Variants in CNTNAP2 observed in about 807,000 individuals in gnomAD.
CNTNAP2 encodes the protein contactin associated protein 2.
In CNTNAP2, 98 loss-of-function variants were observed where a neutral mutation model predicts 155.2. That is an observed-to-expected ratio of 0.63 (90% CI 0.54 to 0.75). CNTNAP2 has a LOEUF of 0.75. Ranked by LOEUF, CNTNAP2 falls within the 30% of genes least tolerant of loss-of-function variation. The pLI is 0.00. For synonymous variants in CNTNAP2, 651 were observed against 631.2 expected (o/e 1.03, Z -0.47); for missense variants, 1,727 against 1,688.1 (o/e 1.02, Z -0.40).
chr7:147,863,034 A>G (rs897675765), intron 13 of CNTNAP2, among the ~76,000 whole-genome samples: 1 of 151,818 alleles, frequency 6.6e-6, no homozygotes, highest in African/African-American at 2.4e-5. Flanking sequence ...CCACCCATCA[A>G]CTCGTCATTT....
intron 23 of CNTNAP2, among the ~76,000 whole-genome samples, chr7:148,413,471 T>A (rs1799902676): frequency 1.4e-5 from 2 of 139,212 alleles, no homozygotes; most frequent in African/African-American, 5.3e-5. Flanking sequence ...TCTTGTAACA[T>A]TTTTCTGGTT....
chr7:146,884,118 C>T (rs150594055), intron 3 of CNTNAP2, among the ~76,000 whole-genome samples: 1,527 of 152,056 alleles, frequency 0.01, 12 homozygotes, highest in Middle Eastern at 0.02. Flanking sequence ...GTTCCAGGAC[C>T]GTCTGCCTAT....
intron 10 of CNTNAP2, among the ~76,000 whole-genome samples, chr7:147,473,969 C>G (rs1298545378): frequency 1.3e-5 from 2 of 151,910 alleles, no homozygotes; most frequent in African/African-American, 4.8e-5. Flanking sequence ...ATCCCAGCTA[C>G]TAGGGAGGCT....
chr7:147,319,553 A>G (rs1235895751), intron 9 of CNTNAP2, among the ~76,000 whole-genome samples: 2 of 151,746 alleles, frequency 1.3e-5, no homozygotes, highest in African/African-American at 2.4e-5. Flanking sequence ...AATTTTTGTA[A>G]TTTTAGTAGA....
intron 1 of CNTNAP2, among the ~76,000 whole-genome samples, chr7:146,629,184 T>C (rs778919332): frequency 1.3e-5 from 2 of 152,140 alleles, no homozygotes; most frequent in Non-Finnish European, 2.9e-5. Context: ...TTTAAACAAG[T>C]TGGCAGAGGG....
At chr7:147,987,840 A>G (rs2116878090) in intron 15 of CNTNAP2, among the ~76,000 whole-genome samples, 1 of 152,098 alleles carries the variant, frequency 6.6e-6, no homozygotes, top group East Asian at 1.9e-4. Context: ...GACTACAGGT[A>G]CATGCCACCA....
At chr7:148,074,502 C>T (rs928375774) in intron 15 of CNTNAP2, among the ~76,000 whole-genome samples, 3 of 23,084 alleles carry the variant, frequency 1.3e-4, no homozygotes, top group Non-Finnish European at 2.3e-4. Flanking sequence ...ACCAGCCTGG[C>T]CAACATGGTG....
At chr7:147,295,204 T>C (rs1314466212) in intron 8 of CNTNAP2, among the ~76,000 whole-genome samples, 1 of 152,046 alleles carries the variant, frequency 6.6e-6, no homozygotes, top group East Asian at 1.9e-4. Flanking sequence ...TGAGCACTTC[T>C]CCAGATGTGG....
chr7:147,195,103 T>G (rs1248421063), intron 8 of CNTNAP2, among the ~76,000 whole-genome samples: 1 of 152,170 alleles, frequency 6.6e-6, no homozygotes, highest in Non-Finnish European at 1.5e-5. Flanking sequence ...TTGTATAAGG[T>G]GTAAGGAAGC....
At chr7:148,321,412 T>C (rs920020614) in intron 21 of CNTNAP2, among the ~76,000 whole-genome samples, 12 of 152,164 alleles carry the variant, frequency 7.9e-5, no homozygotes, top group African/African-American at 2.9e-4. Flanking sequence ...GGACAGAGGC[T>C]GGTGGCAGAG....
intron 1 of CNTNAP2, among the ~76,000 whole-genome samples, chr7:146,570,876 G>T (rs1798430867): frequency 6.6e-6 from 1 of 151,878 alleles, no homozygotes; most frequent in Non-Finnish European, 1.5e-5. Flanking sequence ...AAACACTTAG[G>T]TAATAAATGA....
At chr7:147,721,485 C>T (rs1272892506) in intron 13 of CNTNAP2, among the ~76,000 whole-genome samples, 2 of 152,038 alleles carry the variant, frequency 1.3e-5, no homozygotes, top group Non-Finnish European at 2.9e-5. Flanking sequence ...CCTTTTCACT[C>T]CCCTTTGCTC....
chr7:146,614,106 C>T (rs1048390578), intron 1 of CNTNAP2, among the ~76,000 whole-genome samples: 2 of 151,926 alleles, frequency 1.3e-5, no homozygotes, highest in Admixed American at 6.6e-5. Context: ...CCCGTGAGTC[C>T]TATTTAATTT....
chr7:147,727,411 T>G (rs1473231249), intron 13 of CNTNAP2, among the ~76,000 whole-genome samples: 6 of 152,048 alleles, frequency 3.9e-5, no homozygotes. Flanking sequence ...TTCCAATCCT[T>G]AATCTTTTAA....
Position 147,788,900 on chromosome 7 carries a change from CT to C in CNTNAP2, c.2099-114643del, listed in dbSNP as rs11440955. ...TAGGATATACTTTTTTTTTCTTTTTCTTTTTTTTTTTTTTTTTTTTTTGAGA... is the reference window on the plus strand; with the variant it reads ...TAGGATATACTTTTTTTTTCTTTTTCTTTTTTTTTTTTTTTTTTTTTGAGA... On this transcript the variant is annotated intron_variant, in intron 13 of 23. Transcript: ENST00000361727. Among the ~76,000 whole-genome samples, 732 of 100,720 alleles carry C rather than the reference CT, an allele frequency of 7.3e-3. 1 individual carries two copies. The highest frequency in any genetic ancestry group is 0.025 in the African/African-American group (565 of 22,848). The allele number at this position is 100,720 out of a possible 152,430, so 66.1% of individuals were successfully genotyped here. A position where few individuals can be genotyped will look rare whatever the true frequency, so the allele number is the denominator to read the frequency against.
chr7:146,264,524 ATG>A (rs894118039), intron 1 of CNTNAP2, among the ~76,000 whole-genome samples: 3 of 152,170 alleles, frequency 2.0e-5, no homozygotes, highest in Admixed American at 6.5e-5. Flanking sequence ...GTAACTTAAT[ATG>A]TTTTTATTAT....
At chr7:147,564,670 C>T (rs1562999528) in intron 12 of CNTNAP2, among the ~76,000 whole-genome samples, 1 of 152,180 alleles carries the variant, frequency 6.6e-6, no homozygotes, top group Non-Finnish European at 1.5e-5. Flanking sequence ...ACACAACACA[C>T]AGGACTAGTC....
At chr7:147,094,399 C>T (rs1160567220) in intron 4 of CNTNAP2, among the ~76,000 whole-genome samples, 2 of 132,956 alleles carry the variant, frequency 1.5e-5, no homozygotes, top group African/African-American at 2.8e-5. Context: ...ATTATTATTC[C>T]TTTTTTTTTT....
chr7:147,270,517 C>G (rs1804719510), intron 8 of CNTNAP2, among the ~76,000 whole-genome samples: 1 of 152,176 alleles, frequency 6.6e-6, no homozygotes, highest in African/African-American at 2.4e-5. Context: ...TCTGTGGCTC[C>G]CATTATATTT....
Sources: gnomAD v4.1 joint callset for allele counts (sites outside exome capture counted in the v4.1 genomes callset) on GRCh38, gnomAD v4.1.1 for gene constraint, MANE v1.5 for transcripts, NCBI Gene and HGNC (gene_info 2026-07-23, HGNC 2026-07-21) for gene names.